Variants in RAP1GAP2 observed in about 807,000 individuals in gnomAD.
RAP1GAP2 encodes RAP1 GTPase activating protein 2, also known as rap1 GTPase-activating protein 2.
Under a neutral mutation model 95.0 loss-of-function variants are expected in RAP1GAP2, and 27 were observed. The ratio of observed to expected loss-of-function variants is 0.28; its 90% confidence interval spans 0.21 to 0.39. RAP1GAP2 has a LOEUF of 0.39. Among genes scored for constraint, RAP1GAP2 ranks in the 10% least tolerant of loss-of-function variants. RAP1GAP2 has a pLI of 1.00. For missense variants in RAP1GAP2, 771 were observed against 970.0 expected (o/e 0.79, Z 2.72); for synonymous variants, 373 against 380.9 (o/e 0.98, Z 0.24).
At chr17:2,995,557 C>A in intron 13 of RAP1GAP2, 91 bp downstream of exon 13, 2 of 1,525,094 alleles carry the variant, frequency 1.3e-6, no homozygotes, top group African/African-American at 1.4e-5. Context: ...GTGGCCGTCC[C>A]CATATTCGTT....
chr17:2,869,411 T>C (rs539562537), intron 2 of RAP1GAP2, among the ~76,000 whole-genome samples: 1 of 151,764 alleles, frequency 6.6e-6, no homozygotes, highest in South Asian at 2.1e-4. Context: ...TGCCACTGAA[T>C]TGCAAACTTA....
intron 3 of RAP1GAP2, among the ~76,000 whole-genome samples, chr17:2,910,100 A>T (rs967323554): frequency 6.6e-5 from 10 of 152,192 alleles, no homozygotes; most frequent in African/African-American, 2.4e-4. Context: ...GACATTGATG[A>T]AATAATATTG....
chr17:2,831,726 C>T (rs2070862893), intron 2 of RAP1GAP2, among the ~76,000 whole-genome samples: 1 of 151,724 alleles, frequency 6.6e-6, no homozygotes, highest in African/African-American at 2.4e-5. Context: ...GACAAAACCT[C>T]ATCTCTACTA....
intron 3 of RAP1GAP2, among the ~76,000 whole-genome samples, chr17:2,946,996 C>A (rs569859394): frequency 7.9e-5 from 12 of 152,322 alleles, no homozygotes; most frequent in African/African-American, 2.6e-4. Context: ...CCCAGGTGAT[C>A]CGCCCGCCTT....
At chr17:2,898,503 C>T (rs1408140852) in intron 2 of RAP1GAP2, among the ~76,000 whole-genome samples, 4 of 152,192 alleles carry the variant, frequency 2.6e-5, no homozygotes, top group African/African-American at 7.2e-5. Flanking sequence ...CATCAGTGCC[C>T]GCATCTCCAT....
intron 2 of RAP1GAP2, among the ~76,000 whole-genome samples, chr17:2,801,597 ATGTGTGTGTGTGTGTG>A (rs71150898): frequency 1.6e-4 from 20 of 121,954 alleles, no homozygotes; most frequent in Non-Finnish European, 2.6e-4. Context: ...ACTCCAGGGT[ATGTGTGTGTGTGTGTG>A]TGTGTGTGTG....
chr17:2,932,816 CAAAAAAAGA>C (rs1286242055), intron 3 of RAP1GAP2, among the ~76,000 whole-genome samples: 3 of 10,166 alleles, frequency 3.0e-4, no homozygotes, highest in Admixed American at 1.0e-3. Context: ...GACTCCATCT[CAAAAAAAGA>C]AAAAAAAAAA....
intron 3 of RAP1GAP2, among the ~76,000 whole-genome samples, chr17:2,920,503 G>A (rs1221137344): frequency 6.6e-6 from 1 of 152,218 alleles, no homozygotes; most frequent in Non-Finnish European, 1.5e-5. Context: ...GGATGGTGCT[G>A]GGTCTGGGGA....
chr17:3,026,929 T>C lies in RAP1GAP2; in HGVS notation c.1981-15T>C, dbSNP rs4790114. 665,082 of 1,548,042 alleles carry C rather than the reference T, an allele frequency of 0.43. 144,796 individuals carry two copies. Among genetic ancestry groups the C allele is most frequent in the East Asian group, 0.56 (22,859 of 40,770 alleles). On this transcript the variant is annotated splice_polypyrimidine_tract_variant and intron_variant, in intron 21 of 24. Coordinates refer to ENST00000254695, the MANE Select transcript of RAP1GAP2 (RefSeq NM_015085.5). ...GAGGGTGGGCTGGCCTCGCTCACCCTGCCTCTCTCCTCAGGGCAGCCAGCC... is the reference window on the plus strand; with the variant it reads ...GAGGGTGGGCTGGCCTCGCTCACCCCGCCTCTCTCCTCAGGGCAGCCAGCC...
intron 2 of RAP1GAP2, among the ~76,000 whole-genome samples, chr17:2,887,182 C>A (rs137859733): frequency 6.6e-6 from 1 of 151,808 alleles, no homozygotes; most frequent in Non-Finnish European, 1.5e-5. Flanking sequence ...CTCAGCCTCC[C>A]GAGTAGCTGG....
At chr17:2,807,050 G>A (rs976448729) in intron 2 of RAP1GAP2, among the ~76,000 whole-genome samples, 3 of 150,534 alleles carry the variant, frequency 2.0e-5, no homozygotes, top group African/African-American at 7.4e-5. Context: ...CATGGGGCAC[G>A]TTTTTGTGGC....
chr17:2,934,395 G>A (rs1435362850), intron 3 of RAP1GAP2, among the ~76,000 whole-genome samples: 1 of 152,246 alleles, frequency 6.6e-6, no homozygotes, highest in Non-Finnish European at 1.5e-5. Context: ...GCCTCCCAAA[G>A]TGCTGGGATT....
intron 3 of RAP1GAP2, among the ~76,000 whole-genome samples, chr17:2,955,182 T>C (rs2044065387): frequency 6.6e-6 from 1 of 152,210 alleles, no homozygotes; most frequent in Non-Finnish European, 1.5e-5. Context: ...TAATTCCGTG[T>C]TGAACATTTC....
At chr17:2,976,800 C>G (rs572547946) in intron 8 of RAP1GAP2, among the ~76,000 whole-genome samples, 3 of 151,872 alleles carry the variant, frequency 2.0e-5, no homozygotes, top group Admixed American at 6.6e-5. Flanking sequence ...CTAGTAAGAT[C>G]GATAAACCTC....
At chr17:2,858,220 G>A (rs1052908705) in intron 2 of RAP1GAP2, among the ~76,000 whole-genome samples, 48 of 152,184 alleles carry the variant, frequency 3.2e-4, no homozygotes, top group African/African-American at 1.1e-3. Context: ...ATGGTGGGTA[G>A]TTATTTTGAG....
In RAP1GAP2 at chr17:2,903,657, G is replaced by C. The variant is rs369022393; in HGVS notation, c.81-1627G>C. Among the ~76,000 whole-genome samples, 11 of 152,354 alleles carry C rather than the reference G, an allele frequency of 7.2e-5. No individual in the cohort carries two copies. The highest frequency in any genetic ancestry group is 1.9e-4 in the East Asian group (1 of 5,174). On this transcript the variant is annotated intron_variant, in intron 2 of 24. Transcript: ENST00000254695. The surrounding 1 kb of genome is among the most constrained non-coding windows in gnomAD (Gnocchi z 4.1). ...AGAGGAAGGGAGATGGGGAGCAGGA[G>C]ACAGGGATTGCCAGGTTCAGGTTAA...
intron 2 of RAP1GAP2, among the ~76,000 whole-genome samples, chr17:2,869,518 G>T (rs1366585396): frequency 6.6e-6 from 1 of 152,130 alleles, no homozygotes; most frequent in Non-Finnish European, 1.5e-5. Context: ...GTTGAAGATG[G>T]GGTGGGCTGG....
chr17:2,901,069 C>G (rs990137070), intron 2 of RAP1GAP2, among the ~76,000 whole-genome samples: 1 of 152,218 alleles, frequency 6.6e-6, no homozygotes, highest in South Asian at 2.1e-4. Flanking sequence ...TTTGACTTCT[C>G]AGCTTCCACT....
At chr17:2,937,796 T>C (rs2151424384) in intron 3 of RAP1GAP2, among the ~76,000 whole-genome samples, 1 of 152,322 alleles carries the variant, frequency 6.6e-6, no homozygotes, top group South Asian at 2.1e-4. Flanking sequence ...ATGCTAGAGC[T>C]ATGCTCCTCT....
Sources: allele counts gnomAD v4.1 joint callset (sites outside exome capture counted in the v4.1 genomes callset), GRCh38; gene constraint gnomAD v4.1.1; non-coding constraint Gnocchi (gnomAD v3.1); transcripts MANE v1.5; gene names NCBI Gene and HGNC (gene_info 2026-07-23, HGNC 2026-07-21).